Variants in JAZF1 observed in about 807,000 individuals in gnomAD.
JAZF1 encodes the protein JAZF zinc finger 1.
Under a neutral mutation model 26.4 loss-of-function variants are expected in JAZF1, and 8 were observed. The ratio of observed to expected loss-of-function variants is 0.30; its 90% CI spans 0.18 to 0.55. JAZF1 has a LOEUF of 0.55. Among genes scored for constraint, JAZF1 ranks in the 20% least tolerant of loss-of-function variants. The pLI is 0.94. For missense variants in JAZF1, 199 were observed against 322.0 expected, an observed-to-expected ratio of 0.62 and a Z score of 2.92; for synonymous variants, 126 against 122.3, an observed-to-expected ratio of 1.03 and a Z score of -0.20.
intron 1 of JAZF1, among the ~76,000 whole-genome samples, chr7:28,015,033 A>ATGTG (rs397804972): frequency 0.22 from 31,245 of 140,570 alleles, 3,971 homozygotes; most frequent in Non-Finnish European, 0.3. Flanking sequence ...GAAAGTGTGT[A>ATGTG]TGTGTGTGTG....
chr7:27,895,868 T>C (rs1209243609), intron 2 of JAZF1, among the ~76,000 whole-genome samples: 1 of 152,192 alleles, frequency 6.6e-6, no homozygotes, highest in African/African-American at 2.4e-5. Context: ...CTAACATAAA[T>C]GGCCTCATGA....
intron 3 of JAZF1, among the ~76,000 whole-genome samples, chr7:27,880,178 C>A (rs1783744737): frequency 6.6e-6 from 1 of 152,168 alleles, no homozygotes; most frequent in Non-Finnish European, 1.5e-5. Flanking sequence ...AGGTCTCCCA[C>A]ATGGCAAAGG....
chr7:27,835,058 G>A (rs547257748), intron 4 of JAZF1, among the ~76,000 whole-genome samples: 18 of 152,290 alleles, frequency 1.2e-4, no homozygotes, highest in Admixed American at 3.3e-4. Context: ...GTCCTTTTCC[G>A]TGGATGAAGG....
chr7:28,116,437 A>G (rs1336374970), intron 1 of JAZF1, among the ~76,000 whole-genome samples: 1 of 151,924 alleles, frequency 6.6e-6, no homozygotes, highest in Non-Finnish European at 1.5e-5. Flanking sequence ...AAAACAATGT[A>G]TTTCTTTCTC....
intron 1 of JAZF1, among the ~76,000 whole-genome samples, chr7:28,121,654 G>A (rs755848065): frequency 2.6e-5 from 4 of 152,168 alleles, no homozygotes; most frequent in Non-Finnish European, 5.9e-5. Context: ...ATTTAACAGA[G>A]GCGTAGTTGC....
chr7:28,017,270 G>A lies in JAZF1; in HGVS notation c.116-25289C>T, dbSNP rs1310777394. Among the ~76,000 whole-genome samples, 6 of 149,662 alleles carry A rather than the reference G, an allele frequency of 4.0e-5. No homozygotes were observed. In the Admixed American group the frequency reaches 4.0e-4, roughly 10 times the overall value. ...GGAGGCTAAGGCAGGAGAATTGCTT[G>A]AACCTGGGAGGCAGAGGTTACAGTG... is the stretch of plus-strand genomic sequence containing the variant. On this transcript the variant is annotated intron_variant, in intron 1 of 4. Coordinates refer to ENST00000283928, the MANE Select transcript of JAZF1 (RefSeq NM_175061.4).
intron 1 of JAZF1, among the ~76,000 whole-genome samples, chr7:28,036,507 G>A (rs1290501685): frequency 3.3e-5 from 5 of 152,246 alleles, no homozygotes; most frequent in East Asian, 1.9e-4. Context: ...AAGTGGTAGA[G>A]TAACGCAACC....
At chr7:27,901,581 C>T (rs1583455288) in intron 2 of JAZF1, among the ~76,000 whole-genome samples, 1 of 152,280 alleles carries the variant, frequency 6.6e-6, no homozygotes, top group East Asian at 1.9e-4. Flanking sequence ...TCAGAGAACT[C>T]AGAAACTGAA....
At chr7:27,894,609 A>G (rs1784028189) in intron 3 of JAZF1, among the ~76,000 whole-genome samples, 1 of 152,186 alleles carries the variant, frequency 6.6e-6, no homozygotes, top group Non-Finnish European at 1.5e-5. Context: ...AGAGAAGGCA[A>G]ATAGGAGAGA....
At chr7:27,976,526 T>G (rs1785476059) in intron 2 of JAZF1, among the ~76,000 whole-genome samples, 1 of 152,052 alleles carries the variant, frequency 6.6e-6, no homozygotes, top group Non-Finnish European at 1.5e-5. Context: ...GATTGAGACC[T>G]AAGAGCATGC....
chr7:28,169,027 G>A (rs1418155324), intron 1 of JAZF1, among the ~76,000 whole-genome samples: 1 of 152,220 alleles, frequency 6.6e-6, no homozygotes, highest in Non-Finnish European at 1.5e-5. Context: ...GACATACACA[G>A]TGTGACTTAT....
At chr7:27,867,627 A>T (rs758951602) in intron 3 of JAZF1, among the ~76,000 whole-genome samples, 8 of 152,224 alleles carry the variant, frequency 5.3e-5, no homozygotes, top group Non-Finnish European at 8.8e-5. Flanking sequence ...ATCTGGTAAA[A>T]CGTTATGCGG....
intron 1 of JAZF1, among the ~76,000 whole-genome samples, chr7:28,028,430 T>TAGCAC (rs1783128970): frequency 6.6e-6 from 1 of 152,232 alleles, no homozygotes; most frequent in Admixed American, 6.5e-5. Context: ...AAGGGTCATG[T>TAGCAC]AGCACTAAAT....
intron 3 of JAZF1, among the ~76,000 whole-genome samples, chr7:27,875,402 C>G (rs1427746281): frequency 6.6e-6 from 1 of 152,132 alleles, no homozygotes; most frequent in East Asian, 1.9e-4. Flanking sequence ...GTCAGAATAA[C>G]CTTTTAAAAA....
At position 28,110,811 on chromosome 7, in the gene JAZF1, C is replaced by A. The variant is rs114409832; in HGVS notation, c.115+69652G>T. 9.1e-3 allele frequency among the ~76,000 whole-genome samples: 1,383 copies of A among 152,228 alleles called. 24 individuals carry two copies. The highest frequency in any genetic ancestry group is 0.032 in the African/African-American group (1,333 of 41,546). On this transcript the variant is annotated intron_variant, in intron 1 of 4. Coordinates refer to ENST00000283928, the MANE Select transcript of JAZF1 (RefSeq NM_175061.4). ...GGTGATGTGCCCACATGGCTGGCCACAGGGTAGCATGATATCTCAGTCACC... is the reference window on the plus strand; with the variant it reads ...GGTGATGTGCCCACATGGCTGGCCAAAGGGTAGCATGATATCTCAGTCACC...
chr7:27,915,844 C>A (rs115778075), intron 2 of JAZF1, among the ~76,000 whole-genome samples: 1,525 of 152,162 alleles, frequency 0.01, 29 homozygotes, highest in African/African-American at 0.035. Flanking sequence ...ACATGATGGA[C>A]CTGATTTATT....
chr7:28,003,111 C>T (rs1662155427), intron 1 of JAZF1, among the ~76,000 whole-genome samples: 1 of 152,004 alleles, frequency 6.6e-6, no homozygotes, highest in Admixed American at 6.6e-5. Flanking sequence ...TGAAGTCAAA[C>T]CAAAACTTGA....
Position 27,831,364 on chromosome 7 carries a change from AGTTT to A in JAZF1, c.*1432_*1435del, listed in dbSNP as rs757107755. On this transcript the variant is annotated 3_prime_UTR_variant, in exon 5 of 5. Coordinates refer to ENST00000283928, the MANE Select transcript of JAZF1 (RefSeq NM_175061.4). ...GGGAAGAAACTTTATAAGCAATTTG[AGTTT>A]GTTTTATGGGCAGTTAGCTATCTCA... 54 of 227,312 alleles carry A rather than the reference AGTTT, an allele frequency of 2.4e-4. No homozygotes were observed. Among genetic ancestry groups the A allele is most frequent in the Non-Finnish European group, 4.0e-4 (46 of 114,140 alleles). The allele number at this position is 227,312 out of a possible 1,614,324, so 14.1% of individuals were successfully genotyped here.
chr7:28,110,751 T>C (rs537390562), intron 1 of JAZF1, among the ~76,000 whole-genome samples: 2 of 152,260 alleles, frequency 1.3e-5, no homozygotes, highest in African/African-American at 4.8e-5. Context: ...AATGGGACGG[T>C]GCTTTCTGCC....
Sources: gnomAD v4.1 joint callset for allele counts (sites outside exome capture counted in the v4.1 genomes callset) on GRCh38, gnomAD v4.1.1 for gene constraint, MANE v1.5 for transcripts, NCBI Gene and HGNC (gene_info 2026-07-23, HGNC 2026-07-21) for gene names.